KIF20B: variants seen among roughly 807,000 people sequenced by gnomAD.
The protein encoded by KIF20B is kinesin family member 20B, also known as kinesin-like protein KIF20B.
Under a neutral mutation model 232.5 loss-of-function variants are expected in KIF20B, and 188 were observed. The ratio of observed to expected loss-of-function variants is 0.81; its 90% confidence interval spans 0.72 to 0.91. The LOEUF (loss-of-function observed/expected upper bound fraction) is 0.91, where lower values mean the gene tolerates loss of function less well. KIF20B is among the 40% of genes least tolerant of loss of function. The pLI, the probability that KIF20B is intolerant of heterozygous loss-of-function variation, is 0.00. For missense variants in KIF20B, 2,154 were observed against 2,055.9 expected (o/e 1.05, Z -0.92); for synonymous variants, 712 against 683.0 (o/e 1.04, Z -0.66).
In KIF20B at chr10:89,727,902, G is replaced by T; in HGVS notation, c.2271+6G>T. On this transcript the variant is annotated splice_donor_region_variant and intron_variant, in intron 17 of 32. Coordinates refer to ENST00000371728, the MANE Select transcript of KIF20B (RefSeq NM_001284259.2). ...AGCTTGAGACATCTAATAAGGTAAT[G>T]CTTTAAGTTTTATTTTGTCTTGATA... The T allele has an allele frequency of 6.5e-7, 1 of 1,548,252 alleles. No individual in the cohort carries two copies. Among genetic ancestry groups the T allele is most frequent in the South Asian group, 1.2e-5 (1 of 86,250 alleles).
In KIF20B at chr10:89,768,272, A is replaced by T. The variant is rs996197160; in HGVS notation, c.4990-18A>T. The T allele has an allele frequency of 7.0e-7, 1 of 1,427,832 alleles. No individual in the cohort carries two copies. The highest frequency in any genetic ancestry group is 2.0e-5 in the Admixed American group (1 of 49,120). 88.4% of individuals were successfully genotyped at this position (1,427,832 alleles called of 1,614,324 possible). A position where few individuals can be genotyped will look rare whatever the true frequency, so the allele number is the denominator to read the frequency against. On this transcript the variant is annotated intron_variant, in intron 29 of 32. Transcript: ENST00000371728. ...TATTGTCAAGAAATTAACTGGTGCTAAAATTCATTATTTTTAGGACTTGGT... is the reference window on the plus strand; with the variant it reads ...TATTGTCAAGAAATTAACTGGTGCTTAAATTCATTATTTTTAGGACTTGGT...
intron 29 of KIF20B, chr10:89,766,227 C>T (rs1486807846): frequency 6.6e-6 from 1 of 152,062 alleles, no homozygotes; most frequent in Non-Finnish European, 1.5e-5. Flanking sequence ...CTCTAAACTT[C>T]CCTTCTCGCT....
In KIF20B at chr10:89,737,558, C is replaced by A. The variant is rs769962290; in HGVS notation, c.2717C>A (p.Ala906Glu). 6.2e-7 allele frequency: 1 copy of A among 1,606,506 alleles called. No homozygotes were observed. The highest frequency in any genetic ancestry group is 1.3e-5 in the African/African-American group (1 of 74,470). ...CTTAAAAATGAAAAGGAAGAAAAAG[C>A]AGAATTAAATAAACAGATTGTTCAT... Reference protein sequence around the residue: ...NELKNEKEEKAELNKQIVHFQ... With the variant: ...NELKNEKEEKEELNKQIVHFQ... Residue 906 changes from alanine (A) to glutamate (E), a missense_variant, in exon 20 of 33, where the codon GCA becomes GAA. Transcript: ENST00000371728.
intron 21 of KIF20B, among the ~76,000 whole-genome samples, chr10:89,740,801 C>A (rs530256368): frequency 6.6e-6 from 1 of 152,296 alleles, no homozygotes; most frequent in Admixed American, 6.5e-5. Flanking sequence ...GCTGAGACTA[C>A]AGGTGTGCCA....
At chr10:89,756,413 C>T (rs1388786445) in intron 26 of KIF20B, among the ~76,000 whole-genome samples, 1 of 152,098 alleles carries the variant, frequency 6.6e-6, no homozygotes, top group African/African-American at 2.4e-5. Flanking sequence ...AGCAAGTAAT[C>T]CCACTTTGAA....
intron 18 of KIF20B, among the ~76,000 whole-genome samples, chr10:89,731,874 T>G (rs1189040913): frequency 1.6e-4 from 25 of 152,232 alleles, no homozygotes. Context: ...CTTTGCCTTT[T>G]TTCTTAAATA....
chr10:89,724,773 C>G (rs573209583), intron 14 of KIF20B, among the ~76,000 whole-genome samples: 1 of 151,884 alleles, frequency 6.6e-6, no homozygotes, highest in African/African-American at 2.4e-5. Context: ...CACACCACCA[C>G]GCCCAGCTAA....
chr10:89,707,339 A>G (rs931631238), intron 2 of KIF20B, among the ~76,000 whole-genome samples: 1 of 152,090 alleles, frequency 6.6e-6, no homozygotes, highest in African/African-American at 2.4e-5. Flanking sequence ...CCCTCCCATC[A>G]CACCTCCAAG....
chr10:89,710,174 G>T, intron 5 of KIF20B, 109 bp downstream of exon 5: 5 of 982,564 alleles, frequency 5.1e-6, no homozygotes, highest in South Asian at 2.1e-5. Flanking sequence ...GTATGCGTTT[G>T]CTCTATTTTT....
At chr10:89,745,606 T>A (rs180760888) in intron 22 of KIF20B, among the ~76,000 whole-genome samples, 182 of 152,208 alleles carry the variant, frequency 1.2e-3, no homozygotes, top group Admixed American at 2.7e-3. Context: ...TTTTAATTTT[T>A]ATTTTTTGAG....
intron 18 of KIF20B, among the ~76,000 whole-genome samples, chr10:89,729,871 A>T (rs78954797): frequency 6.6e-5 from 10 of 152,134 alleles, no homozygotes; most frequent in Admixed American, 1.3e-4. Flanking sequence ...GCTCCTTCAA[A>T]TTATTCTTTT....
At chr10:89,754,454 AT>A (rs1842080052) in intron 25 of KIF20B, 63 bp from the exon 26 acceptor site, 2 of 1,055,832 alleles carry the variant, frequency 1.9e-6, no homozygotes, top group Non-Finnish European at 2.6e-6. Context: ...TGAAAATGTT[AT>A]AGAAACATGT....
At position 89,768,320 on chromosome 10, in the gene KIF20B, G is replaced by T; in HGVS notation, c.5020G>T (p.Ala1674Ser). The change falls in exon 30 of 33, where the codon GCT (alanine) becomes TCT (serine). Residue 1674 changes from alanine to serine, a missense_variant. By Grantham distance (99) the Ala-to-Ser change is moderately conservative. Transcript: ENST00000371728. ...DLVKCENKKN[A>S]TPRTNLKFPI... ...GGTGAAATGTGAAAATAAGAAGAAT[G>T]CTACACCCAGAACTAATTTGAAATT... The T allele has an allele frequency of 1.3e-6, 2 of 1,586,962 alleles. No homozygotes were observed. The highest frequency in any genetic ancestry group is 2.3e-5 in the East Asian group (1 of 44,208).
At position 89,718,802 on chromosome 10, in the gene KIF20B, A is replaced by T. The variant is rs1307205397; in HGVS notation, c.1364A>T (p.Asn455Ile). The T allele has an allele frequency of 6.2e-7, 1 of 1,609,546 alleles. No homozygotes were observed. Among genetic ancestry groups the T allele is most frequent in the African/African-American group, 1.3e-5 (1 of 74,804 alleles). The change falls in exon 12 of 33, where the codon AAT (asparagine) becomes ATT (isoleucine). Residue 455 changes from asparagine to isoleucine, a missense_variant. Coordinates refer to ENST00000371728, the MANE Select transcript of KIF20B (RefSeq NM_001284259.2). Reference protein sequence around the residue: ...NGKGKICMIVNISQCYLAYDE... With the variant: ...NGKGKICMIVIISQCYLAYDE... ...AAAGGGAAAATTTGTATGATTGTCAATATCAGCCAATGTTATTTAGCCTAT... is the reference window on the plus strand; with the variant it reads ...AAAGGGAAAATTTGTATGATTGTCATTATCAGCCAATGTTATTTAGCCTAT...
At chr10:89,771,307 C>T (rs896188996) in intron 31 of KIF20B, among the ~76,000 whole-genome samples, 4 of 151,822 alleles carry the variant, frequency 2.6e-5, no homozygotes, top group South Asian at 2.1e-4. Context: ...ATAATCTGCA[C>T]GGACAAAATG....
intron 16 of KIF20B, among the ~76,000 whole-genome samples, chr10:89,726,843 GT>G (rs1392297780): frequency 7.3e-6 from 1 of 137,030 alleles, no homozygotes; most frequent in Non-Finnish European, 1.5e-5. Context: ...GTCTCGCTCT[GT>G]CACCAAGGCT....
intron 15 of KIF20B, 87 bp downstream of exon 15, chr10:89,725,245 A>G (rs544728354): frequency 8.6e-7 from 1 of 1,160,984 alleles, no homozygotes; most frequent in Non-Finnish European, 1.2e-6. Context: ...AAACACCAAG[A>G]TAGTTTAGAA....
At chr10:89,757,022 T>TGTG in intron 26 of KIF20B, among the ~76,000 whole-genome samples, 1 of 122,836 alleles carries the variant, frequency 8.1e-6, no homozygotes, top group African/African-American at 3.3e-5. Flanking sequence ...TATATCTCTG[T>TGTG]TGTGTGTGTG....
chr10:89,715,280 AAT>A, intron 8 of KIF20B, 98 bp downstream of exon 8: 1 of 726,034 alleles, frequency 1.4e-6, no homozygotes. Context: ...TGAAAATTGT[AAT>A]GCTAATTATT....
Sources: gnomAD v4.1 joint callset for allele counts (sites outside exome capture counted in the v4.1 genomes callset) on GRCh38, gnomAD v4.1.1 for gene constraint, MANE v1.5 for transcripts, NCBI Gene and HGNC (gene_info 2026-07-23, HGNC 2026-07-21) for gene names.